OR2L13: variants seen among roughly 807,000 people sequenced by gnomAD.
OR2L13 encodes olfactory receptor family 2 subfamily L member 13.
OR2L13 carries 14 observed loss-of-function variants against 15.3 expected under a neutral mutation model. The observed-to-expected ratio is 0.91, with a 90% CI of 0.60 to 1.43. The LOEUF (loss-of-function observed/expected upper bound fraction) is 1.43. Among genes scored for constraint, OR2L13 ranks in the 40% most tolerant of loss-of-function variants. The probability of loss-of-function intolerance (pLI) is 0.00; values close to 1 mark genes in which losing one functional copy is unlikely to be tolerated. For synonymous variants in OR2L13, 152 were observed against 142.9 expected (o/e 1.06, Z -0.45); for missense variants, 367 against 387.9 (o/e 0.95, Z 0.45).
the OR2L13 span, among the ~76,000 whole-genome samples, chr1:247,977,168 T>C: frequency 6.6e-6 from 1 of 152,236 alleles, no homozygotes; most frequent in Admixed American, 6.5e-5. Flanking sequence ...GCCCAGATGA[T>C]GCTCTTAAGT....
the OR2L13 span, among the ~76,000 whole-genome samples, chr1:248,025,979 A>G: frequency 6.6e-6 from 1 of 152,066 alleles, no homozygotes; most frequent in Non-Finnish European, 1.5e-5. Context: ...AGGATAGCAT[A>G]GGAGATATAC....
chr1:247,993,161 TG>T, the OR2L13 span, among the ~76,000 whole-genome samples: 1 of 152,198 alleles, frequency 6.6e-6, no homozygotes, highest in African/African-American at 2.4e-5. Context: ...TTTGGCCACT[TG>T]TATGTCTTCT....
At chr1:247,973,215 A>G in the OR2L13 span, among the ~76,000 whole-genome samples, 1 of 152,160 alleles carries the variant, frequency 6.6e-6, no homozygotes, top group Non-Finnish European at 1.5e-5. Flanking sequence ...GAAAACCATA[A>G]CAAGACAAAA....
At chr1:247,958,104 C>G in the OR2L13 span, among the ~76,000 whole-genome samples, 1 of 152,134 alleles carries the variant, frequency 6.6e-6, no homozygotes, top group African/African-American at 2.4e-5. Flanking sequence ...CCTCTACATA[C>G]TGCTTTGAAT....
chr1:248,060,977 A>C, the OR2L13 span: 1 of 1,613,968 alleles, frequency 6.2e-7, no homozygotes, highest in South Asian at 1.1e-5. Flanking sequence ...TGTGGGATTC[A>C]GAGTTTCTTC....
At chr1:248,068,241 CA>C in the OR2L13 span, among the ~76,000 whole-genome samples, 1 of 152,138 alleles carries the variant, frequency 6.6e-6, no homozygotes, top group Non-Finnish European at 1.5e-5. Flanking sequence ...AACTGGGAGG[CA>C]CCCCCCAGTA....
upstream of OR2L13, among the ~76,000 whole-genome samples, chr1:248,093,842 C>G (rs1664656095): frequency 6.6e-6 from 1 of 151,978 alleles, no homozygotes; most frequent in African/African-American, 2.4e-5. Flanking sequence ...AAACTTTGAG[C>G]ATTCTTGCTC....
At chr1:248,045,335 A>G in the OR2L13 span, among the ~76,000 whole-genome samples, 1 of 152,178 alleles carries the variant, frequency 6.6e-6, no homozygotes, top group Non-Finnish European at 1.5e-5. Flanking sequence ...GATATGTGAA[A>G]TAGTCAATTA....
chr1:248,043,353 A>C, the OR2L13 span, among the ~76,000 whole-genome samples: 38 of 152,166 alleles, frequency 2.5e-4, no homozygotes, highest in Admixed American at 2.5e-3. Flanking sequence ...TAAATTCTGC[A>C]CTATATGTTG....
At chr1:247,961,860 A>G in the OR2L13 span, among the ~76,000 whole-genome samples, 1 of 152,220 alleles carries the variant, frequency 6.6e-6, no homozygotes, top group South Asian at 2.1e-4. Context: ...CCAAAAAAAA[A>G]GCCTGATTCT....
chr1:248,022,866 A>G, the OR2L13 span: 4 of 1,608,188 alleles, frequency 2.5e-6, 1 homozygote, highest in Non-Finnish European at 1.7e-6. Flanking sequence ...GATTCAGAAT[A>G]TCTTCTCGGT....
the OR2L13 span, among the ~76,000 whole-genome samples, chr1:248,015,017 C>T: frequency 2.8e-4 from 43 of 152,180 alleles, no homozygotes; most frequent in South Asian, 7.5e-3. Context: ...TGTCTGTCTG[C>T]CCACTTACCT....
At chr1:248,094,230 GAAA>G (rs1297322675), upstream of OR2L13, among the ~76,000 whole-genome samples, 2 of 151,466 alleles carry the variant, frequency 1.3e-5, no homozygotes, top group African/African-American at 4.9e-5. Context: ...AAAATTAAAG[GAAA>G]AAAACAAAGA....
chr1:247,954,474 A>G, the OR2L13 span, among the ~76,000 whole-genome samples: 4 of 152,150 alleles, frequency 2.6e-5, no homozygotes, highest in Admixed American at 2.6e-4. Flanking sequence ...TCTGCTAAAT[A>G]TTTTAAAATA....
the OR2L13 span, chr1:247,949,119 A>G: frequency 1.2e-6 from 2 of 1,613,982 alleles, no homozygotes; most frequent in Admixed American, 1.7e-5. Flanking sequence ...TCTGCATGGA[A>G]ACAAGTCTAT....
chr1:248,025,152 T>C, the OR2L13 span, among the ~76,000 whole-genome samples: 2 of 146,654 alleles, frequency 1.4e-5, no homozygotes, highest in Non-Finnish European at 3.0e-5. Flanking sequence ...ACCATCAGAG[T>C]GAACAGGCAA....
the OR2L13 span, chr1:247,966,438 T>C: frequency 8.2e-7 from 1 of 1,219,588 alleles, no homozygotes; most frequent in Non-Finnish European, 1.1e-6. Flanking sequence ...TGTTTATCAA[T>C]CTTGTTTAAC....
chr1:247,967,643 T>C, the OR2L13 span, among the ~76,000 whole-genome samples: 1 of 152,194 alleles, frequency 6.6e-6, no homozygotes, highest in African/African-American at 2.4e-5. Context: ...ATTTAATCAA[T>C]TTGTCCAGAA....
At chr1:247,938,629 C>T in the OR2L13 span, among the ~76,000 whole-genome samples, 3 of 152,076 alleles carry the variant, frequency 2.0e-5, no homozygotes, top group Non-Finnish European at 4.4e-5. Context: ...TAGAAGACTT[C>T]ATGTAAATAA....
Sources: allele counts gnomAD v4.1 joint callset (sites outside exome capture counted in the v4.1 genomes callset), GRCh38; gene constraint gnomAD v4.1.1; transcripts MANE v1.5; gene names NCBI Gene and HGNC (gene_info 2026-07-23, HGNC 2026-07-21).